The following IRAG1 variants were observed in gnomAD, a reference collection of about 807,000 sequenced individuals.
IRAG1 encodes the protein IP3R-associated cGMP kinase substrate.
IRAG1 carries 62 observed loss-of-function variants against 106.2 expected under a neutral mutation model. The observed-to-expected ratio is 0.58, with a 90% confidence interval of 0.48 to 0.72. The LOEUF is 0.72. Among genes scored for constraint, IRAG1 ranks in the 30% least tolerant of loss-of-function variants. The pLI, the probability that IRAG1 is intolerant of heterozygous loss-of-function variation, is 0.00. For missense variants in IRAG1, 1,064 were observed against 1,140.7 expected, an observed-to-expected ratio of 0.93 and a Z score of 0.97; for synonymous variants, 462 against 443.9, an observed-to-expected ratio of 1.04 and a Z score of -0.51.
At position 10,603,173 on chromosome 11, in the gene IRAG1, G is replaced by A. The variant is rs201581932; in HGVS notation, c.1822C>T (p.Arg608Cys). 36 of 1,609,018 alleles carry A rather than the reference G, an allele frequency of 2.2e-5. No individual in the cohort carries two copies. Among genetic ancestry groups the A allele is most frequent in the South Asian group, 3.3e-5 (3 of 90,612 alleles). ...CGGCTGGAGAGGCGGGCAGCCAGGC[G>A]GTGCAGGACAGCGATGTCCTCCAGC... Reference protein sequence around the residue: ...KLLEDIAVLHRLAARLSSRAE... With the variant: ...KLLEDIAVLHCLAARLSSRAE... Residue 608 changes from arginine (R) to cysteine (C), a missense_variant, in exon 14 of 21, where the codon CGC becomes TGC. Coordinates refer to ENST00000423302, the MANE Select transcript of IRAG1 (RefSeq NM_130385.4).
chr11:10,652,395 A>G lies in IRAG1; in HGVS notation c.68-213T>C, dbSNP rs1589920923. 24 of 1,355,006 alleles carry G rather than the reference A, an allele frequency of 1.8e-5. No homozygotes were observed. In the South Asian group the frequency reaches 3.0e-4, roughly 17 times the overall value. The allele number at this position is 1,355,006 out of a possible 1,614,324, so 83.9% of individuals were successfully genotyped here. The stretch of plus-strand genomic sequence containing the variant: ...TCAGAGGTGACCTTAGAGATTTTGC[A>G]TCTAATTTGGTCTTTACAGTAAACA... On this transcript the variant is annotated intron_variant, in intron 1 of 20. Transcript: ENST00000423302.
rs537904392 is a variant in IRAG1 at position 10,591,529 on chromosome 11, G to A, written c.2240+19C>T. Reference sequence around the variant, plus strand: ...TCCTGAGAGATCCCTGAAGCCAAGAGGAAAATCGACAAACTTACTTTTCCA... The same window carrying A: ...TCCTGAGAGATCCCTGAAGCCAAGAAGAAAATCGACAAACTTACTTTTCCA... On this transcript the variant is annotated intron_variant, in intron 18 of 20. Transcript: ENST00000423302. 4 of 1,579,468 alleles carry A rather than the reference G, an allele frequency of 2.5e-6. No homozygotes were observed. Among genetic ancestry groups the A allele is most frequent in the Non-Finnish European group, 3.4e-6 (4 of 1,162,100 alleles).
At chr11:10,607,632 T>C (rs1854584662) in intron 11 of IRAG1, among the ~76,000 whole-genome samples, 1 of 149,802 alleles carries the variant, frequency 6.7e-6, no homozygotes, top group Admixed American at 6.7e-5. Context: ...GGAGGGGTCC[T>C]ACCAGCGTCA....
Position 10,576,192 on chromosome 11 carries a change from G to A in IRAG1, c.*140C>T. The A allele has an allele frequency of 9.4e-7, 1 of 1,068,708 alleles. No individual in the cohort carries two copies. Among genetic ancestry groups the A allele is most frequent in the Non-Finnish European group, 1.3e-6 (1 of 750,042 alleles). The allele number at this position is 1,068,708 out of a possible 1,614,324, so 66.2% of individuals were successfully genotyped here. On this transcript the variant is annotated 3_prime_UTR_variant, in exon 21 of 21. Transcript: ENST00000423302. ...GTGTATGAATAGCTCCCACAGAAGT[G>A]CCGAGTGTTAAAAGAACCCTTCCTC...
intron 2 of IRAG1, among the ~76,000 whole-genome samples, chr11:10,634,753 T>TTGTGTGTGTGTGTGTGTGTGTGTG (rs57266330): frequency 6.9e-6 from 1 of 144,936 alleles, no homozygotes; most frequent in Non-Finnish European, 1.5e-5. Flanking sequence ...AATAATATTC[T>TTGTGTGTGTGTGTGTGTGTGTGTG]TGTGTGTGTG....
At chr11:10,682,167 C>T (rs1861311049) in intron 1 of IRAG1, among the ~76,000 whole-genome samples, 1 of 152,176 alleles carries the variant, frequency 6.6e-6, no homozygotes, top group African/African-American at 2.4e-5. Context: ...ATGTAAAGAA[C>T]TTAACATAGT....
In IRAG1 at chr11:10,607,313, T is replaced by A. The variant is rs79091670; in HGVS notation, c.1572-541A>T. 1.5e-3 allele frequency among the ~76,000 whole-genome samples: 231 copies of A among 152,308 alleles called. 1 individual carries two copies. The highest frequency in any genetic ancestry group is 5.3e-3 in the African/African-American group (220 of 41,552). On this transcript the variant is annotated intron_variant, in intron 11 of 20. Coordinates refer to ENST00000423302, the MANE Select transcript of IRAG1 (RefSeq NM_130385.4). ...CTCTGAGGGCTGTGACAAAGGTGCA[T>A]GCGGGCCAGAGAATAAATGGTAGGA...
intron 15 of IRAG1, 144 bp downstream of exon 15, chr11:10,600,774 G>T: frequency 9.2e-7 from 1 of 1,081,980 alleles, no homozygotes; most frequent in Non-Finnish European, 1.3e-6. Flanking sequence ...CAGCTGCTGG[G>T]AGGCCCCTGT....
At chr11:10,602,072 C>T (rs923193196) in intron 14 of IRAG1, among the ~76,000 whole-genome samples, 4 of 152,240 alleles carry the variant, frequency 2.6e-5, no homozygotes, top group African/African-American at 9.6e-5. Flanking sequence ...ACAGGTCCCA[C>T]AGTCATGCGT....
At chr11:10,629,330 C>T (rs995403938) in intron 5 of IRAG1, among the ~76,000 whole-genome samples, 7 of 152,200 alleles carry the variant, frequency 4.6e-5, no homozygotes, top group African/African-American at 4.8e-5. Flanking sequence ...ACCATCTCCT[C>T]TTCCCCAGAG....
Position 10,576,470 on chromosome 11 carries a change from A to G in IRAG1, c.2601T>C (p.Val867=). 1 of 1,614,006 alleles carries G rather than the reference A, an allele frequency of 6.2e-7. No individual in the cohort carries two copies. The highest frequency in any genetic ancestry group is 8.5e-7 in the Non-Finnish European group (1 of 1,179,882). Residue 867 remains valine (V), a synonymous_variant, in exon 21 of 21, where the codon GTT becomes GTC. Coordinates refer to ENST00000423302, the MANE Select transcript of IRAG1 (RefSeq NM_130385.4). The stretch of plus-strand genomic sequence containing the variant: ...TATAGGAATTGTAGAGCCCCAGCAC[A>G]ACAGTCAAGACCAGCATCACTGCAG... ...MMAAVMLVLT[V]VLGLYNSYNS... is the part of the protein sequence containing the mutation.
At chr11:10,649,773 T>C (rs1858311056) in intron 2 of IRAG1, among the ~76,000 whole-genome samples, 1 of 152,034 alleles carries the variant, frequency 6.6e-6, no homozygotes, top group Non-Finnish European at 1.5e-5. Flanking sequence ...GCCACAAAGT[T>C]GAGAGTAAGC....
In IRAG1 at chr11:10,623,368, C is replaced by T. The variant is rs948603703; in HGVS notation, c.1447+410G>A. ...GGAACCAGAGGCTTGGAGGAAGGGG[C>T]CTGCAGCTACCCAGCAGGGCAGGGC... On this transcript the variant is annotated intron_variant, in intron 10 of 20. Transcript: ENST00000423302. 7.9e-5 allele frequency among the ~76,000 whole-genome samples: 12 copies of T among 152,188 alleles called. No homozygotes were observed. The East Asian group carries it at 2.3e-3, about 29-fold the overall frequency.
intron 1 of IRAG1, among the ~76,000 whole-genome samples, chr11:10,674,096 C>T (rs1860460794): frequency 6.6e-6 from 1 of 152,158 alleles, no homozygotes. Context: ...GAGCGCCTAC[C>T]AAGTGCCAAG....
chr11:10,649,591 T>C (rs1331651131), intron 2 of IRAG1, among the ~76,000 whole-genome samples: 1 of 152,210 alleles, frequency 6.6e-6, no homozygotes, highest in Non-Finnish European at 1.5e-5. Context: ...AATCCTGTGC[T>C]AGGTATCCTC....
intron 5 of IRAG1, 136 bp downstream of exon 5, chr11:10,629,402 G>C: frequency 1.1e-6 from 1 of 874,538 alleles, no homozygotes; most frequent in Non-Finnish European, 1.7e-6. Flanking sequence ...ACAGAATCCT[G>C]ACCTCTGCTG....
At chr11:10,594,113 C>G in intron 16 of IRAG1, 33 bp downstream of exon 16, 1 of 1,582,110 alleles carries the variant, frequency 6.3e-7, no homozygotes, top group Non-Finnish European at 8.6e-7. Context: ...CATACTCCTT[C>G]CAGGAGCCCT....
Position 10,575,049 on chromosome 11 carries a change from G to A in IRAG1, c.*1283C>T, listed in dbSNP as rs1850748354. On this transcript the variant is annotated 3_prime_UTR_variant, in exon 21 of 21. Coordinates refer to ENST00000423302, the MANE Select transcript of IRAG1 (RefSeq NM_130385.4). Reference sequence around the variant, plus strand: ...TCGTATATGAGTTTTAGCAATGAAAGCAAACAATATCAATAACAAAACAAA... The same window carrying A: ...TCGTATATGAGTTTTAGCAATGAAAACAAACAATATCAATAACAAAACAAA... The A allele has an allele frequency of 6.6e-6, 1 of 152,100 alleles. No individual in the cohort carries two copies. The highest frequency in any genetic ancestry group is 2.4e-5 in the African/African-American group (1 of 41,392). 9.4% of individuals were successfully genotyped at this position (152,100 alleles called of 1,614,324 possible).
At chr11:10,589,590 T>G (rs906568837) in intron 18 of IRAG1, among the ~76,000 whole-genome samples, 2 of 152,120 alleles carry the variant, frequency 1.3e-5, no homozygotes, top group African/African-American at 4.8e-5. Context: ...TAAATGGAAA[T>G]CACTTAACAT....
Sources: gnomAD v4.1 joint callset for allele counts (sites outside exome capture counted in the v4.1 genomes callset) on GRCh38, gnomAD v4.1.1 for gene constraint, MANE v1.5 for transcripts, NCBI Gene and HGNC (gene_info 2026-07-23, HGNC 2026-07-21) for gene names.